The following RAD23B variants were observed in gnomAD, a reference collection of about 807,000 sequenced individuals.
RAD23B encodes the protein lysine-specific demethylase RAD23B.
A neutral mutation model predicts 49.1 loss-of-function variants in RAD23B; 5 were observed. The ratio of observed to expected loss-of-function variants is 0.10; its 90% confidence interval spans 0.05 to 0.21. The LOEUF is 0.21. RAD23B is among the 10% of genes least tolerant of loss of function. RAD23B has a pLI of 1.00. For missense variants in RAD23B, 356 were observed against 486.7 expected (o/e 0.73, Z 2.53); for synonymous variants, 184 against 165.4 (o/e 1.11, Z -0.86).
chr9:107,285,864 A>G (rs1833265296), intron 1 of RAD23B, among the ~76,000 whole-genome samples: 1 of 152,134 alleles, frequency 6.6e-6, no homozygotes, highest in African/African-American at 2.4e-5. Flanking sequence ...TTTAGGAAAT[A>G]TTTTTCATGA....
chr9:107,288,382 T>C (rs2133062337), intron 1 of RAD23B, among the ~76,000 whole-genome samples: 1 of 152,358 alleles, frequency 6.6e-6, no homozygotes, highest in South Asian at 2.1e-4. Flanking sequence ...GTAAGTGCTA[T>C]GCAGAAAGTT....
At chr9:107,326,735 A>G (rs1827214248) in intron 9 of RAD23B, among the ~76,000 whole-genome samples, 1 of 137,638 alleles carries the variant, frequency 7.3e-6, no homozygotes, top group South Asian at 2.3e-4. Context: ...CTGGGTTCAC[A>G]CCATTCTCCT....
chr9:107,315,403 C>CA (rs1190161796), intron 5 of RAD23B, among the ~76,000 whole-genome samples: 2 of 152,128 alleles, frequency 1.3e-5, no homozygotes, highest in African/African-American at 4.8e-5. Flanking sequence ...TGAAGTCAGG[C>CA]AATATTGATC....
intron 1 of RAD23B, among the ~76,000 whole-genome samples, chr9:107,290,873 C>T (rs765945135): frequency 7.9e-5 from 12 of 152,098 alleles, no homozygotes; most frequent in Non-Finnish European, 1.5e-4. Flanking sequence ...GGTCCTGCCG[C>T]GATAGATGCC....
chr9:107,313,654 T>TCC (rs1826933422), intron 5 of RAD23B, among the ~76,000 whole-genome samples: 1 of 152,194 alleles, frequency 6.6e-6, no homozygotes, highest in Non-Finnish European at 1.5e-5. Flanking sequence ...TTCCCCAAAT[T>TCC]ACAGCTGCAG....
Position 107,318,756 on chromosome 9 carries a change from G to C in RAD23B, c.558G>C (p.Thr186=), listed in dbSNP as rs540304447. The C allele has an allele frequency of 6.2e-7, 1 of 1,607,300 alleles. No homozygotes were observed. Among genetic ancestry groups the C allele is most frequent in the African/African-American group, 1.3e-5 (1 of 74,794 alleles). The change falls in exon 6 of 10, where the codon ACG becomes ACC. Residue 186 remains threonine (T), a synonymous_variant. Transcript: ENST00000358015. This position sits in a 1 kb window ranked among gnomAD's most constrained non-coding sequence, Gnocchi z 4.3. ...CCCTCCACCCTCCCTTTTTAGTGAC[G>C]GGTCAGTCTTACGAGAATATGGTAA... ...LFEDATSALV[T]GQSYENMVTE... is the part of the protein sequence containing the mutation.
chr9:107,292,543 G>A (rs113728260), intron 1 of RAD23B, among the ~76,000 whole-genome samples: 3,335 of 152,128 alleles, frequency 0.022, 117 homozygotes, highest in African/African-American at 0.073. Flanking sequence ...AGCTAGGTGT[G>A]GTGGCGTGCA....
At chr9:107,308,775 C>G (rs764067472) in intron 4 of RAD23B, among the ~76,000 whole-genome samples, 1 of 152,186 alleles carries the variant, frequency 6.6e-6, no homozygotes, top group Non-Finnish European at 1.5e-5. Context: ...ACTCAGAAAA[C>G]AAGCTGCTTA....
At chr9:107,321,320 A>C (rs999999233) in intron 6 of RAD23B, among the ~76,000 whole-genome samples, 1 of 151,344 alleles carries the variant, frequency 6.6e-6, no homozygotes, top group African/African-American at 2.4e-5. Context: ...ACTTTAAGAA[A>C]CACTTCACTG....
intron 1 of RAD23B, among the ~76,000 whole-genome samples, chr9:107,299,416 A>G (rs1826601564): frequency 6.6e-6 from 1 of 152,226 alleles, no homozygotes; most frequent in Non-Finnish European, 1.5e-5. Context: ...TCATTTTTGT[A>G]AATACTGTAT....
chr9:107,300,228 AATTAAAT>A lies in RAD23B; in HGVS notation c.148+13_148+19del. The A allele has an allele frequency of 1.3e-6, 2 of 1,596,572 alleles. No individual in the cohort carries two copies. The highest frequency in any genetic ancestry group is 1.7e-6 in the Non-Finnish European group (2 of 1,172,862). On this transcript the variant is annotated splice_region_variant and intron_variant, in intron 2 of 9. Transcript: ENST00000358015. ...TCAAAAATTAATTTATGCAGGTATG[AATTAAAT>A]ATTAAAATTAACATGCCATGTCTTG...
intron 6 of RAD23B, among the ~76,000 whole-genome samples, chr9:107,320,150 C>G (rs971846578): frequency 9.2e-5 from 14 of 152,208 alleles, no homozygotes; most frequent in African/African-American, 3.4e-4. Flanking sequence ...ATGTGAAGTT[C>G]ACAAAACCTT....
chr9:107,318,722 C>CT lies in RAD23B; in HGVS notation c.554-23dup. The CT allele has an allele frequency of 3.8e-6, 6 of 1,582,036 alleles. No individual in the cohort carries two copies. Among genetic ancestry groups the CT allele is most frequent in the East Asian group, 2.3e-5 (1 of 44,080 alleles). ...GAGAATGCTTATTTATTAAATGTTC[C>CT]TTTTTTTCCCCTCCACCCTCCCTTT... is the stretch of plus-strand genomic sequence containing the variant. On this transcript the variant is annotated intron_variant, in intron 5 of 9. Transcript: ENST00000358015. This position sits in a 1 kb window ranked among gnomAD's most constrained non-coding sequence, Gnocchi z 4.3.
At chr9:107,316,262 C>T (rs549083549) in intron 5 of RAD23B, among the ~76,000 whole-genome samples, 4 of 152,304 alleles carry the variant, frequency 2.6e-5, no homozygotes, top group East Asian at 1.9e-4. Context: ...CTGCCCGCCT[C>T]GGCCTCCCAA....
chr9:107,301,585 C>T (rs987362516), intron 2 of RAD23B, among the ~76,000 whole-genome samples: 2 of 152,132 alleles, frequency 1.3e-5, no homozygotes, highest in Non-Finnish European at 2.9e-5. Flanking sequence ...GTCACCCAAG[C>T]TGGAGTGCAG....
chr9:107,328,564 T>C (rs1587867073), intron 9 of RAD23B, among the ~76,000 whole-genome samples: 1 of 150,818 alleles, frequency 6.6e-6, no homozygotes, highest in African/African-American at 2.4e-5. Context: ...CCGCCACTGA[T>C]ACAACAGGAG....
intron 1 of RAD23B, among the ~76,000 whole-genome samples, chr9:107,297,588 C>T (rs1826554179): frequency 6.6e-6 from 1 of 152,192 alleles, no homozygotes; most frequent in Non-Finnish European, 1.5e-5. Context: ...ATCCGTCTGC[C>T]TTGGCCTCCC....
chr9:107,305,059 T>C (rs1439898355), intron 3 of RAD23B, among the ~76,000 whole-genome samples: 1 of 151,140 alleles, frequency 6.6e-6, no homozygotes, highest in Non-Finnish European at 1.5e-5. Context: ...GAGGCCAAGG[T>C]GGGCGGATCG....
In RAD23B at chr9:107,324,836, A is replaced by C. The variant is rs1179993104; in HGVS notation, c.948A>C (p.Gln316His). ...IGRENPQLLQ[Q>H]ISQHQEHFIQ... ...CTCTGTCCTTCATATCACCACAGCAAATTAGCCAACACCAGGAGCATTTTA... is the reference window on the plus strand; with the variant it reads ...CTCTGTCCTTCATATCACCACAGCACATTAGCCAACACCAGGAGCATTTTA... Residue 316 changes from glutamine to histidine, a missense_variant and splice_region_variant, in exon 9 of 10, where the codon CAA becomes CAC. By Grantham distance (24) the Gln-to-His change is conservative. Transcript: ENST00000358015. The C allele has an allele frequency of 6.2e-7, 1 of 1,603,180 alleles. No individual in the cohort carries two copies. Among genetic ancestry groups the C allele is most frequent in the East Asian group, 2.2e-5 (1 of 44,748 alleles).
Sources: gnomAD v4.1 joint callset for allele counts (sites outside exome capture counted in the v4.1 genomes callset) on GRCh38, gnomAD v4.1.1 for gene constraint, Gnocchi (gnomAD v3.1) non-coding constraint, MANE v1.5 for transcripts, NCBI Gene and HGNC (gene_info 2026-07-23, HGNC 2026-07-21) for gene names.